Variants in MAPK4 observed in about 807,000 individuals in gnomAD.
The protein encoded by MAPK4 is mitogen-activated protein kinase 4, also known as Erk3-related.
In MAPK4, 22 loss-of-function variants were observed where a neutral mutation model predicts 47.7. That is an observed-to-expected ratio of 0.46 (90% CI 0.33 to 0.66). MAPK4 has a LOEUF of 0.66. MAPK4 is among the 30% of genes least tolerant of loss of function. MAPK4 has a pLI of 0.02. For missense variants in MAPK4, 736 were observed against 831.7 expected, an observed-to-expected ratio of 0.88 and a Z score of 1.42; for synonymous variants, 390 against 365.7, an observed-to-expected ratio of 1.07 and a Z score of -0.76.
At chr18:50,718,288 T>G (rs1195709068) in intron 3 of MAPK4, among the ~76,000 whole-genome samples, 2 of 152,202 alleles carry the variant, frequency 1.3e-5, no homozygotes, top group Non-Finnish European at 2.9e-5. Flanking sequence ...GGCATGATCT[T>G]GGCTCACTGC....
chr18:50,637,719 T>A (rs1225490517), intron 1 of MAPK4, among the ~76,000 whole-genome samples: 3 of 152,224 alleles, frequency 2.0e-5, no homozygotes, highest in African/African-American at 7.2e-5. Context: ...AGGCTTGAAG[T>A]CCAAGATCAC....
chr18:50,606,475 A>G (rs1181096433), intron 1 of MAPK4, among the ~76,000 whole-genome samples: 1 of 152,154 alleles, frequency 6.6e-6, no homozygotes, highest in African/African-American at 2.4e-5. Context: ...GTAATGCAAA[A>G]ATGCTGCCCT....
chr18:50,700,585 G>T (rs1909736067), intron 2 of MAPK4, among the ~76,000 whole-genome samples: 1 of 152,214 alleles, frequency 6.6e-6, no homozygotes, highest in Non-Finnish European at 1.5e-5. Context: ...ACCAACCAGG[G>T]TTGTGGAAAA....
At chr18:50,591,341 C>T (rs916205245) in intron 1 of MAPK4, among the ~76,000 whole-genome samples, 2 of 152,038 alleles carry the variant, frequency 1.3e-5, no homozygotes, top group African/African-American at 2.4e-5. Context: ...GGGACCTGGG[C>T]CTCCCACCTT....
At chr18:50,675,499 T>C (rs1409270470) in intron 2 of MAPK4, among the ~76,000 whole-genome samples, 4 of 151,814 alleles carry the variant, frequency 2.6e-5, no homozygotes, top group Admixed American at 2.0e-4. Context: ...TTTTTATTTA[T>C]TTATTTTTTT....
intron 1 of MAPK4, among the ~76,000 whole-genome samples, chr18:50,585,151 G>T (rs1439194801): frequency 6.6e-6 from 1 of 152,148 alleles, no homozygotes; most frequent in Non-Finnish European, 1.5e-5. Context: ...AAGATGCTTG[G>T]GTGTCAGCCC....
chr18:50,631,703 A>G (rs1181293553), intron 1 of MAPK4, among the ~76,000 whole-genome samples: 1 of 152,042 alleles, frequency 6.6e-6, no homozygotes, highest in Non-Finnish European at 1.5e-5. Flanking sequence ...TTAACTCTCC[A>G]TGTGTGGCCC....
At chr18:50,580,883 C>T (rs1178189003) in intron 1 of MAPK4, among the ~76,000 whole-genome samples, 1 of 152,216 alleles carries the variant, frequency 6.6e-6, no homozygotes, top group East Asian at 1.9e-4. Flanking sequence ...TGCCTGGCAT[C>T]AGGTAGTAGC....
intron 5 of MAPK4, among the ~76,000 whole-genome samples, chr18:50,728,759 T>G (rs1447088602): frequency 1.3e-5 from 2 of 152,192 alleles, no homozygotes; most frequent in Non-Finnish European, 1.5e-5. Flanking sequence ...AACATCTGCA[T>G]TTTAGCAAGA....
intron 1 of MAPK4, among the ~76,000 whole-genome samples, chr18:50,632,923 T>A (rs1394624823): frequency 6.6e-6 from 1 of 152,046 alleles, no homozygotes; most frequent in Non-Finnish European, 1.5e-5. Context: ...CCTGGCCTGA[T>A]TTTTTTTATA....
intron 1 of MAPK4, among the ~76,000 whole-genome samples, chr18:50,612,218 T>C (rs998240351): frequency 6.6e-6 from 1 of 152,218 alleles, no homozygotes; most frequent in African/African-American, 2.4e-5. Flanking sequence ...TCATTTTTAC[T>C]GATGGAGAGA....
chr18:50,592,893 G>T (rs918612808), intron 1 of MAPK4, among the ~76,000 whole-genome samples: 7 of 152,116 alleles, frequency 4.6e-5, no homozygotes, highest in Non-Finnish European at 8.8e-5. Context: ...TTAGCATCTC[G>T]CAGCATTGTC....
intron 3 of MAPK4, among the ~76,000 whole-genome samples, chr18:50,718,071 G>A (rs1479771603): frequency 1.3e-5 from 2 of 152,192 alleles, no homozygotes; most frequent in Non-Finnish European, 2.9e-5. Context: ...GCCCAGGACA[G>A]CCCACCTCTT....
At chr18:50,579,649 C>T (rs2042326618) in intron 1 of MAPK4, among the ~76,000 whole-genome samples, 1 of 152,182 alleles carries the variant, frequency 6.6e-6, no homozygotes, top group Non-Finnish European at 1.5e-5. Flanking sequence ...AGCTACATTT[C>T]CCCACCTCCC....
intron 2 of MAPK4, among the ~76,000 whole-genome samples, chr18:50,675,093 G>A (rs751114): frequency 0.17 from 26,121 of 152,068 alleles, 2,507 homozygotes; most frequent in East Asian, 0.34. Flanking sequence ...AGGTGCTGTT[G>A]TTGCCCCCAT....
intron 1 of MAPK4, among the ~76,000 whole-genome samples, chr18:50,605,222 C>G (rs2042572164): frequency 6.6e-6 from 1 of 152,230 alleles, no homozygotes. Context: ...AAATCCAGAT[C>G]TGTCTGCCTC....
intron 2 of MAPK4, among the ~76,000 whole-genome samples, chr18:50,700,568 A>G (rs1598928157): frequency 6.6e-6 from 1 of 152,250 alleles, no homozygotes; most frequent in Non-Finnish European, 1.5e-5. Flanking sequence ...GAGAGTGGGC[A>G]GGACCCACCA....
chr18:50,619,801 A>G (rs2042715757), intron 1 of MAPK4, among the ~76,000 whole-genome samples: 1 of 152,182 alleles, frequency 6.6e-6, no homozygotes, highest in African/African-American at 2.4e-5. Flanking sequence ...TCATTCTTTT[A>G]CCAAAGCTAA....
chr18:50,654,001 T>G (rs2043080294), intron 1 of MAPK4, among the ~76,000 whole-genome samples: 1 of 152,196 alleles, frequency 6.6e-6, no homozygotes, highest in African/African-American at 2.4e-5. Context: ...GGACTTTGAT[T>G]CTCCTGGCTC....
Sources: allele counts gnomAD v4.1 joint callset (sites outside exome capture counted in the v4.1 genomes callset), GRCh38; gene constraint gnomAD v4.1.1; transcripts MANE v1.5; gene names NCBI Gene and HGNC (gene_info 2026-07-23, HGNC 2026-07-21).